Variants in RPS24 observed in about 807,000 individuals in gnomAD.
RPS24 encodes the protein small ribosomal subunit protein eS24.
For synonymous variants in RPS24, 72 were observed against 55.6 expected (o/e 1.30, Z -1.31); for missense variants, 100 against 162.5 (o/e 0.62, Z 2.09).
exon 5 of RPS24, chr10:78,054,883 T>C: frequency 6.5e-7 from 1 of 1,546,194 alleles, no homozygotes. Context: ...CCAGAAGCCT[T>C]GTCAGCAACC....
intron 5 of RPS24, 144 bp from the exon 6 acceptor site, chr10:78,040,471 C>G (rs1847969174): frequency 1.3e-6 from 1 of 750,686 alleles, no homozygotes; most frequent in Non-Finnish European, 2.3e-6. Flanking sequence ...TTGATGCTTT[C>G]ATTGTGTTAT....
intron 4 of RPS24, among the ~76,000 whole-genome samples, chr10:78,046,606 C>T (rs1349681034): frequency 2.0e-5 from 3 of 152,138 alleles, no homozygotes; most frequent in African/African-American, 7.2e-5. Flanking sequence ...CCACCTGCCT[C>T]AGCCTCCCAA....
chr10:78,052,764 G>A (rs1848112194), intron 4 of RPS24, among the ~76,000 whole-genome samples: 1 of 152,164 alleles, frequency 6.6e-6, no homozygotes, highest in Non-Finnish European at 1.5e-5. Flanking sequence ...CTTGGTCAAG[G>A]GCTATCATGT....
At chr10:78,053,509 G>T (rs1054758197) in intron 4 of RPS24, among the ~76,000 whole-genome samples, 3 of 152,190 alleles carry the variant, frequency 2.0e-5, no homozygotes, top group African/African-American at 4.8e-5. Context: ...TTGGATTTAT[G>T]TGGCCCGTTT....
intron 1 of RPS24, chr10:78,034,360 C>T: frequency 4.5e-6 from 1 of 220,832 alleles, no homozygotes; most frequent in Non-Finnish European, 9.2e-6. Context: ...AACTTGTCAG[C>T]TGGATGGATC....
intron 4 of RPS24, among the ~76,000 whole-genome samples, chr10:78,053,752 G>C (rs1200045548): frequency 6.6e-6 from 1 of 152,112 alleles, no homozygotes; most frequent in East Asian, 1.9e-4. Flanking sequence ...GGATGAAGGG[G>C]TGTCTCCCAG....
chr10:78,045,675 G>T (rs1848035980), downstream of RPS24, among the ~76,000 whole-genome samples: 1 of 151,844 alleles, frequency 6.6e-6, no homozygotes, highest in African/African-American at 2.4e-5. Context: ...TAGAGATGGG[G>T]TTTCACCATG....
At chr10:78,040,758 T>C (rs1847976163), downstream of RPS24, 5 of 1,184,894 alleles carry the variant, frequency 4.2e-6, no homozygotes. Flanking sequence ...GTTAGTCTGC[T>C]GATTTCAGTT....
rs1847954803 is a variant in RPS24, at chr10:78,039,867, A to G, written c.391-337A>G. ...CCAGCACAATGTTGCTGGGCAGAGCAGAGGGGCAGAGGCTCAGGTATGTAC... is the reference window on the plus strand; with the variant it reads ...CCAGCACAATGTTGCTGGGCAGAGCGGAGGGGCAGAGGCTCAGGTATGTAC... On this transcript the variant is annotated intron_variant, in intron 4 of 5. Coordinates refer to ENST00000372360, the MANE Select transcript of RPS24 (RefSeq NM_033022.4). 3.3e-5 allele frequency: 13 copies of G among 398,338 alleles called. 1 individual carries two copies. The highest frequency in any genetic ancestry group is 2.7e-4 in the South Asian group (12 of 44,952). 24.7% of individuals were successfully genotyped at this position (398,338 alleles called of 1,614,324 possible). A position where few individuals can be genotyped will look rare whatever the true frequency, so the allele number is the denominator to read the frequency against.
chr10:78,037,009 T>C (rs1847883647), intron 3 of RPS24, among the ~76,000 whole-genome samples, 185 bp from the exon 4 acceptor site: 1 of 152,214 alleles, frequency 6.6e-6, no homozygotes, highest in Non-Finnish European at 1.5e-5. Context: ...GTGAGGCTAT[T>C]CCATACCTAA....
At chr10:78,055,177 A>C (rs915650254) in exon 5 of RPS24, 3 of 1,157,310 alleles carry the variant, frequency 2.6e-6, no homozygotes, top group Non-Finnish European at 1.1e-6. Context: ...AATGCCAAAG[A>C]CCTCCCCACG....
chr10:78,034,025 T>A, intron 1 of RPS24, 121 bp downstream of exon 1: 3 of 1,283,124 alleles, frequency 2.3e-6, no homozygotes, highest in Non-Finnish European at 3.4e-6. Flanking sequence ...GCCGTTTCTG[T>A]CAGAGGATGG....
intron 1 of RPS24, 57 bp downstream of exon 1, chr10:78,033,961 C>A: frequency 6.8e-6 from 11 of 1,608,946 alleles, no homozygotes; most frequent in Non-Finnish European, 7.7e-6. Context: ...ATCCGTGGTC[C>A]CTGGGTCCCA....
At chr10:78,054,507 A>G in intron 4 of RPS24, 9 of 1,514,154 alleles carry the variant, frequency 5.9e-6, no homozygotes, top group Non-Finnish European at 8.0e-6. Flanking sequence ...CTCTGAGACT[A>G]TTCTCTCCTT....
At chr10:78,050,837 C>T (rs1275537998) in intron 4 of RPS24, among the ~76,000 whole-genome samples, 1 of 151,962 alleles carries the variant, frequency 6.6e-6, no homozygotes, top group African/African-American at 2.4e-5. Flanking sequence ...TGTTGCGCCT[C>T]CTGGCCTCAA....
intron 4 of RPS24, among the ~76,000 whole-genome samples, chr10:78,054,272 T>C (rs1453647071): frequency 1.3e-5 from 2 of 151,872 alleles, no homozygotes; most frequent in African/African-American, 4.8e-5. Flanking sequence ...CAGAGGCAGA[T>C]TGGTGTGGGG....
chr10:78,054,102 C>T (rs1341749426), intron 4 of RPS24, among the ~76,000 whole-genome samples: 1 of 152,032 alleles, frequency 6.6e-6, no homozygotes, highest in African/African-American at 2.4e-5. Context: ...TCCTCAAGAT[C>T]CTAAGGCTTG....
chr10:78,033,919 G>A lies in RPS24; in HGVS notation c.3+15G>A, dbSNP rs764832484. 1.8e-5 allele frequency: 29 copies of A among 1,613,866 alleles called. No homozygotes were observed. Among genetic ancestry groups the A allele is most frequent in the Non-Finnish European group, 2.0e-5 (24 of 1,179,926 alleles). On this transcript the variant is annotated intron_variant, in intron 1 of 5. Transcript: ENST00000372360. ...TCGCCATCATGGTGAGTCTCCCTGG[G>A]CCCGTGCAGTCATCTGCCGCGTATC...
chr10:78,046,346 CTTTTTT>C lies in RPS24; in HGVS notation c.391-8171_391-8166del, dbSNP rs57003851. Among the ~76,000 whole-genome samples, 6 of 126,140 alleles carry C rather than the reference CTTTTTT, an allele frequency of 4.8e-5. No homozygotes were observed. In the East Asian group the frequency reaches 1.2e-3, roughly 25 times the overall value. 82.8% of individuals were successfully genotyped at this position (126,140 alleles called of 152,430 possible). Reference sequence around the variant, plus strand: ...GTCTTGCACAAATTATCTCATTTACCTTTTTTTTTTTTTTTTTTTGAGAATGAGTCT... The same window carrying C: ...GTCTTGCACAAATTATCTCATTTACCTTTTTTTTTTTTTGAGAATGAGTCT... On this transcript the variant is annotated intron_variant, in intron 4 of 4. Coordinates refer to the RPS24 transcript ENST00000440692.
Sources: gnomAD v4.1 joint callset for allele counts (sites outside exome capture counted in the v4.1 genomes callset) on GRCh38, gnomAD v4.1.1 for gene constraint, MANE v1.5 for transcripts, NCBI Gene and HGNC (gene_info 2026-07-23, HGNC 2026-07-21) for gene names.